Variants in BLM observed in about 807,000 individuals in gnomAD.
The protein encoded by BLM is BLM RecQ like helicase, also known as recQ-like DNA helicase BLM.
Under a neutral mutation model 135.3 loss-of-function variants are expected in BLM, and 95 were observed. The ratio of observed to expected loss-of-function variants is 0.70; its 90% confidence interval spans 0.59 to 0.83. BLM has a LOEUF of 0.83. BLM is among the 40% of genes least tolerant of loss of function. BLM has a pLI of 0.00. For missense variants in BLM, 1,518 were observed against 1,663.9 expected (o/e 0.91, Z 1.53); for synonymous variants, 520 against 589.2 (o/e 0.88, Z 1.70).
Position 90,769,168 on chromosome 15 carries a change from G to C in BLM, c.2343G>C (p.Glu781Asp). Residue 781 changes from glutamate to aspartate, a missense_variant, in exon 11 of 22, where the codon GAG becomes GAC. Physicochemically the swap from Glu to Asp is conservative, Grantham distance 45. Transcript: ENST00000355112. Reference sequence around the variant, plus strand: ...GTAACAGACTCATTTCTACTCTGGAGAATCTCTATGAGAGGAAGCTCTTGG... The same window carrying C: ...GTAACAGACTCATTTCTACTCTGGACAATCTCTATGAGAGGAAGCTCTTGG... ...CASNRLISTLENLYERKLLAR... is the reference protein window; with the variant it reads ...CASNRLISTLDNLYERKLLAR... 1 of 1,613,810 alleles carries C rather than the reference G, an allele frequency of 6.2e-7. No individual in the cohort carries two copies. The highest frequency in any genetic ancestry group is 8.5e-7 in the Non-Finnish European group (1 of 1,179,652).
chr15:90,798,435 T>C lies in BLM; in HGVS notation c.3358+98T>C, dbSNP rs138188279. The C allele has an allele frequency of 2.9e-5, 38 of 1,302,328 alleles. No individual in the cohort carries two copies. The African/African-American group carries it at 5.4e-4, about 18-fold the overall frequency. 80.7% of individuals were successfully genotyped at this position (1,302,328 alleles called of 1,614,324 possible). A position where few individuals can be genotyped will look rare whatever the true frequency, so the allele number is the denominator to read the frequency against. ...ATAGAAAAACTTTTTGTCTATTTTC[T>C]TATAAAACTTGAGTTTCTGAATAAA... is the stretch of plus-strand genomic sequence containing the variant. On this transcript the variant is annotated intron_variant, in intron 17 of 21. Transcript: ENST00000355112.
chr15:90,798,336 G>C lies in BLM; in HGVS notation c.3357G>C (p.Leu1119Phe). Residue 1119 changes from leucine (L) to phenylalanine (F), a missense_variant and splice_region_variant, in exon 17 of 22, where the codon TTG (leucine) becomes TTC (phenylalanine). By Grantham distance (22) the Leu-to-Phe change is conservative. Coordinates refer to ENST00000355112, the MANE Select transcript of BLM (RefSeq NM_000057.4). ...FTMNMLVDIF[L>F]GSKSAKIQSG... is the part of the protein sequence containing the mutation. Reference sequence around the variant, plus strand: ...TGAATATGCTGGTCGACATTTTCTTGGGTAAGTCATCTGTTTTGAATGTTT... The same window carrying C: ...TGAATATGCTGGTCGACATTTTCTTCGGTAAGTCATCTGTTTTGAATGTTT... The C allele has an allele frequency of 6.2e-7, 1 of 1,612,466 alleles. No homozygotes were observed. Among genetic ancestry groups the C allele is most frequent in the East Asian group, 2.2e-5 (1 of 44,724 alleles).
At chr15:90,807,567 CT>C (rs1160700568) in intron 19 of BLM, among the ~76,000 whole-genome samples, 3 of 151,974 alleles carry the variant, frequency 2.0e-5, no homozygotes, top group Admixed American at 1.3e-4. Context: ...GCTTGGCTAG[CT>C]TTTTTATTTT....
intron 8 of BLM, among the ~76,000 whole-genome samples, chr15:90,764,378 C>T (rs1896066410): frequency 6.6e-6 from 1 of 151,532 alleles, no homozygotes; most frequent in South Asian, 2.1e-4. Flanking sequence ...GAGACAGGGT[C>T]TCTTGATCTG....
intron 14 of BLM, among the ~76,000 whole-genome samples, chr15:90,789,688 TCA>T (rs1433442411): frequency 6.6e-6 from 1 of 152,194 alleles, no homozygotes; most frequent in East Asian, 1.9e-4. Flanking sequence ...CCGCTGGTAC[TCA>T]CAGTTACTGA....
intron 1 of BLM, among the ~76,000 whole-genome samples, chr15:90,742,065 G>A (rs1895377345): frequency 6.6e-6 from 1 of 152,136 alleles, no homozygotes. Context: ...GAGAACATAT[G>A]ACATAAAATT....
At chr15:90,738,529 C>T (rs537146479) in intron 1 of BLM, among the ~76,000 whole-genome samples, 24 of 152,148 alleles carry the variant, frequency 1.6e-4, no homozygotes, top group South Asian at 1.0e-3. Context: ...AGCTGTTGCA[C>T]TCCAGCCTGG....
At position 90,770,174 on chromosome 15, in the gene BLM, C is replaced by G. The variant is rs972040636; in HGVS notation, c.2555+588C>G. 1.2e-4 allele frequency among the ~76,000 whole-genome samples: 17 copies of G among 144,618 alleles called. 1 individual carries two copies. Among genetic ancestry groups the G allele is most frequent in the African/African-American group, 3.9e-4 (15 of 38,720 alleles). 94.9% of individuals were successfully genotyped at this position (144,618 alleles called of 152,430 possible). A position where few individuals can be genotyped will look rare whatever the true frequency, so the allele number is the denominator to read the frequency against. ...AATCTACTATAAAAGAAATCCCCCCCCCCTTTTTTTTTTTTTTGAGATGGA... is the reference window on the plus strand; with the variant it reads ...AATCTACTATAAAAGAAATCCCCCCGCCCTTTTTTTTTTTTTTGAGATGGA... On this transcript the variant is annotated intron_variant, in intron 12 of 21. Transcript: ENST00000355112.
chr15:90,749,959 T>C lies in BLM; in HGVS notation c.691T>C (p.Leu231=), dbSNP rs767037216. 2 of 1,614,230 alleles carry C rather than the reference T, an allele frequency of 1.2e-6. No individual in the cohort carries two copies. Among genetic ancestry groups the C allele is most frequent in the Non-Finnish European group, 1.7e-6 (2 of 1,180,028 alleles). ...TEEQKDDSEW[L]SSDVICIDDG... ...GGAACAGAAGGATGACTCAGAATGG[T>C]TAAGCAGCGATGTGATTTGCATCGA... is the stretch of plus-strand genomic sequence containing the variant. Residue 231 remains leucine (L), a synonymous_variant, in exon 3 of 22, where the codon TTA becomes CTA. Coordinates refer to ENST00000355112, the MANE Select transcript of BLM (RefSeq NM_000057.4).
intron 14 of BLM, chr15:90,790,338 A>G (rs960448276): frequency 7.7e-6 from 3 of 389,790 alleles, no homozygotes; most frequent in African/African-American, 6.2e-5. Flanking sequence ...AACAGAGAAC[A>G]GTGGCAGCAC....
rs773492985 is a variant in BLM at position 90,804,161 on chromosome 15, A to G, written c.3559-6A>G. On this transcript the variant is annotated splice_region_variant and splice_polypyrimidine_tract_variant and intron_variant, in intron 18 of 21. Coordinates refer to ENST00000355112, the MANE Select transcript of BLM (RefSeq NM_000057.4). ...CACTCCTATGATTTGTTTCTCTCTC[A>G]TAAAGGTAGACTTTATGGAAACAGA... is the stretch of plus-strand genomic sequence containing the variant. 1 of 1,612,808 alleles carries G rather than the reference A, an allele frequency of 6.2e-7. No individual in the cohort carries two copies.
At chr15:90,728,284 C>T (rs1048742703) in intron 1 of BLM, among the ~76,000 whole-genome samples, 3 of 152,338 alleles carry the variant, frequency 2.0e-5, no homozygotes, top group African/African-American at 4.8e-5. Flanking sequence ...GATCTGCCCA[C>T]CTTGGCCTCC....
chr15:90,748,016 C>G (rs931238508), intron 2 of BLM, among the ~76,000 whole-genome samples: 1 of 151,320 alleles, frequency 6.6e-6, no homozygotes, highest in African/African-American at 2.4e-5. Context: ...CCTTGTTAGC[C>G]AGGATGGTCT....
intron 1 of BLM, among the ~76,000 whole-genome samples, chr15:90,735,236 A>AATATATATATATATATATATAT (rs60589046): frequency 1.7e-4 from 18 of 108,198 alleles, no homozygotes; most frequent in African/African-American, 3.5e-4. Context: ...TGCCTAAGTT[A>AATATATATATATATATATATAT]ATATATATAT....
rs28385018 is a variant in BLM, at chr15:90,762,565, G to A, written c.1883-401G>A. 2.2e-3 allele frequency: 492 copies of A among 219,956 alleles called. 11 individuals carry two copies. In the Admixed American group the frequency reaches 0.023, roughly 10 times the overall value. The allele number at this position is 219,956 out of a possible 1,614,324, so 13.6% of individuals were successfully genotyped here. On this transcript the variant is annotated intron_variant, in intron 7 of 21. Transcript: ENST00000355112. ...TGTTTAAGATCATAGGACTAGGAAA[G>A]CTCCAAAAAAGAATGTCTACAGAGC...
intron 1 of BLM, among the ~76,000 whole-genome samples, chr15:90,722,790 G>A (rs562729665): frequency 6.6e-6 from 1 of 152,246 alleles, no homozygotes; most frequent in East Asian, 1.9e-4. Flanking sequence ...CCCCAGAAGT[G>A]TATCTTTCTG....
At chr15:90,802,120 A>G (rs1897179807) in intron 17 of BLM, among the ~76,000 whole-genome samples, 1 of 152,180 alleles carries the variant, frequency 6.6e-6, no homozygotes. Flanking sequence ...GTTGGTCCAT[A>G]CCATTCAGCC....
At chr15:90,814,637 T>C (rs553453032) in intron 21 of BLM, among the ~76,000 whole-genome samples, 2 of 152,278 alleles carry the variant, frequency 1.3e-5, no homozygotes, top group South Asian at 4.1e-4. Flanking sequence ...ACCCCATGCA[T>C]GCTCACCCCA....
At chr15:90,729,449 A>G (rs1247230868) in intron 1 of BLM, among the ~76,000 whole-genome samples, 1 of 152,222 alleles carries the variant, frequency 6.6e-6, no homozygotes, top group Non-Finnish European at 1.5e-5. Context: ...TGGAGGCTCA[A>G]GGGCAGAATC....
Sources: allele counts gnomAD v4.1 joint callset (sites outside exome capture counted in the v4.1 genomes callset), GRCh38; gene constraint gnomAD v4.1.1; transcripts MANE v1.5; gene names NCBI Gene and HGNC (gene_info 2026-07-23, HGNC 2026-07-21).